Variants in KCNC2 observed in about 807,000 individuals in gnomAD.
KCNC2 encodes the protein voltage-gated potassium channel KCNC2.
A neutral mutation model predicts 44.5 loss-of-function variants in KCNC2; 21 were observed. That is an observed-to-expected ratio of 0.47 (90% CI 0.33 to 0.68). The LOEUF (loss-of-function observed/expected upper bound fraction) is 0.68. Among genes scored for constraint, KCNC2 ranks in the 30% least tolerant of loss-of-function variants. KCNC2 has a pLI of 0.01. For synonymous variants in KCNC2, 391 were observed against 339.1 expected (o/e 1.15, Z -1.68); for missense variants, 589 against 826.2 (o/e 0.71, Z 3.52).
intron 2 of KCNC2, among the ~76,000 whole-genome samples, chr12:75,083,429 T>C (rs980430179): frequency 1.3e-5 from 2 of 151,950 alleles, no homozygotes; most frequent in Non-Finnish European, 2.9e-5. Context: ...TAGCAGTGAA[T>C]TTGATGAAAC....
At chr12:75,138,045 T>C (rs1215304648) in intron 2 of KCNC2, among the ~76,000 whole-genome samples, 2 of 152,220 alleles carry the variant, frequency 1.3e-5, no homozygotes, top group African/African-American at 4.8e-5. Flanking sequence ...CAGTTACCCA[T>C]GCTGTGGTCT....
intron 2 of KCNC2, among the ~76,000 whole-genome samples, chr12:75,161,828 A>G (rs1891144233): frequency 6.6e-6 from 1 of 151,780 alleles, no homozygotes; most frequent in Non-Finnish European, 1.5e-5. Flanking sequence ...AAGAATTCCT[A>G]TGAGACATTA....
chr12:75,155,736 T>C (rs1890711432), intron 2 of KCNC2, among the ~76,000 whole-genome samples: 2 of 151,324 alleles, frequency 1.3e-5, no homozygotes, highest in Admixed American at 1.3e-4. Context: ...GAATTAGACA[T>C]TGGTCAAGCA....
intron 2 of KCNC2, among the ~76,000 whole-genome samples, chr12:75,093,186 T>C (rs1431293931): frequency 2.0e-5 from 3 of 151,592 alleles, no homozygotes; most frequent in Non-Finnish European, 4.4e-5. Flanking sequence ...TAAAAATAAA[T>C]GTACATATTC....
chr12:75,171,397 T>A (rs1456057534), intron 2 of KCNC2, among the ~76,000 whole-genome samples: 2 of 151,842 alleles, frequency 1.3e-5, no homozygotes, highest in African/African-American at 4.8e-5. Flanking sequence ...ACCTTGAGGC[T>A]ATCTTAGAAA....
chr12:75,185,656 T>G (rs1280052533), intron 2 of KCNC2, among the ~76,000 whole-genome samples: 1 of 152,076 alleles, frequency 6.6e-6, no homozygotes, highest in African/African-American at 2.4e-5. Context: ...GTCTGTGATA[T>G]TCTGCTATAG....
intron 2 of KCNC2, among the ~76,000 whole-genome samples, chr12:75,139,511 T>C (rs1889488231): frequency 6.6e-6 from 1 of 152,226 alleles, no homozygotes; most frequent in Admixed American, 6.5e-5. Flanking sequence ...AATTTTCTTA[T>C]GTGAACAAGA....
chr12:75,066,054 ATTC>A (rs1368472024), intron 2 of KCNC2, among the ~76,000 whole-genome samples: 1 of 152,164 alleles, frequency 6.6e-6, no homozygotes, highest in Non-Finnish European at 1.5e-5. Context: ...AAATTTAGAC[ATTC>A]TTCTTCTTTT....
chr12:75,164,798 G>A (rs147549942), intron 2 of KCNC2, among the ~76,000 whole-genome samples: 2 of 151,666 alleles, frequency 1.3e-5, no homozygotes, highest in African/African-American at 2.4e-5. Context: ...ATCAAAAATC[G>A]TTGAACTAAA....
chr12:75,156,170 A>G (rs1890744009), intron 2 of KCNC2, among the ~76,000 whole-genome samples: 1 of 151,882 alleles, frequency 6.6e-6, no homozygotes, highest in Non-Finnish European at 1.5e-5. Flanking sequence ...AGCTAGATAT[A>G]GCACCAAGGT....
Position 75,099,719 on chromosome 12 carries a change from C to G in KCNC2, c.688-48402G>C, listed in dbSNP as rs116573059. ...TATTATCCTCATTTTAACCTCAAGT[C>G]TCTATTGAATAACTGCACATTAATA... On this transcript the variant is annotated intron_variant, in intron 2 of 4. Transcript: ENST00000549446. Among the ~76,000 whole-genome samples, 228 of 152,234 alleles carry G rather than the reference C, an allele frequency of 1.5e-3. 2 individuals carry two copies. The highest frequency in any genetic ancestry group is 5.3e-3 in the African/African-American group (220 of 41,558).
At chr12:75,208,770 C>G (rs1432010792) in intron 1 of KCNC2, among the ~76,000 whole-genome samples, 1 of 152,116 alleles carries the variant, frequency 6.6e-6, no homozygotes, top group Non-Finnish European at 1.5e-5. Flanking sequence ...TGCTTTTCAC[C>G]TAGGAGACCT....
chr12:75,139,024 G>GAAAAAAAAAAAAAAAAAAAAAAAAAA (rs1592950621), intron 2 of KCNC2, among the ~76,000 whole-genome samples: 1 of 134,040 alleles, frequency 7.5e-6, no homozygotes, highest in African/African-American at 2.9e-5. Context: ...AGAAAAAAAG[G>GAAAAAAAAAAAAAAAAAAAAAAAAAA]AAAAAGAAAA....
intron 2 of KCNC2, among the ~76,000 whole-genome samples, chr12:75,081,723 A>T (rs1169007772): frequency 1.3e-5 from 2 of 152,034 alleles, no homozygotes; most frequent in African/African-American, 2.4e-5. Context: ...AAATATACTA[A>T]CTTTTTGTAC....
At chr12:75,170,236 T>C (rs1365063974) in intron 2 of KCNC2, among the ~76,000 whole-genome samples, 2 of 151,744 alleles carry the variant, frequency 1.3e-5, no homozygotes, top group Non-Finnish European at 3.0e-5. Flanking sequence ...GTGATTTCAG[T>C]AATCCTTTAA....
At chr12:75,175,733 A>C (rs992884104) in intron 2 of KCNC2, among the ~76,000 whole-genome samples, 2 of 152,028 alleles carry the variant, frequency 1.3e-5, no homozygotes, top group African/African-American at 4.8e-5. Context: ...GCAGGAAATA[A>C]AACTTTCTTA....
At chr12:75,087,765 A>G (rs539730933) in intron 2 of KCNC2, among the ~76,000 whole-genome samples, 5 of 152,076 alleles carry the variant, frequency 3.3e-5, no homozygotes, top group Non-Finnish European at 7.4e-5. Flanking sequence ...GCCTGAGAAC[A>G]TGAGCACAGG....
intron 2 of KCNC2, among the ~76,000 whole-genome samples, chr12:75,133,133 T>A (rs572489028): frequency 6.6e-6 from 1 of 152,156 alleles, no homozygotes; most frequent in Admixed American, 6.5e-5. Flanking sequence ...ATTTTAATAA[T>A]TAGCTACTTG....
intron 2 of KCNC2, among the ~76,000 whole-genome samples, chr12:75,154,218 T>C (rs930258293): frequency 1.8e-4 from 28 of 152,008 alleles, no homozygotes; most frequent in African/African-American, 6.3e-4. Flanking sequence ...CTGTCTCTGA[T>C]ATTTATTTAT....
Sources: allele counts gnomAD v4.1 joint callset (sites outside exome capture counted in the v4.1 genomes callset), GRCh38; gene constraint gnomAD v4.1.1; transcripts MANE v1.5; gene names NCBI Gene and HGNC (gene_info 2026-07-23, HGNC 2026-07-21).